Variants in YPEL2 observed in about 807,000 individuals in gnomAD.
YPEL2 encodes the protein yippee like 2, also known as protein yippee-like 2.
Under a neutral mutation model 19.1 loss-of-function variants are expected in YPEL2, and 2 were observed. The ratio of observed to expected loss-of-function variants is 0.10; its 90% CI spans 0.04 to 0.33. The LOEUF (loss-of-function observed/expected upper bound fraction) is 0.33, where lower values mean the gene tolerates loss of function less well. YPEL2 is among the 10% of genes least tolerant of loss of function. The pLI, the probability that YPEL2 is intolerant of heterozygous loss-of-function variation, is 1.00. For synonymous variants in YPEL2, 52 were observed against 50.0 expected, an observed-to-expected ratio of 1.04 and a Z score of -0.17; for missense variants, 66 against 140.7, an observed-to-expected ratio of 0.47 and a Z score of 2.68.
intron 4 of YPEL2, among the ~76,000 whole-genome samples, chr17:59,390,659 A>T (rs2048003197): frequency 6.6e-6 from 1 of 152,212 alleles, no homozygotes; most frequent in Non-Finnish European, 1.5e-5. Context: ...GGCCTGGGGA[A>T]AGTGAGCAGT....
chr17:59,381,149 T>G (rs1479239369), intron 2 of YPEL2, among the ~76,000 whole-genome samples: 2 of 152,244 alleles, frequency 1.3e-5, no homozygotes, highest in Non-Finnish European at 2.9e-5. Context: ...AGAGGTTAAC[T>G]GACTCTTCCA....
intron 2 of YPEL2, among the ~76,000 whole-genome samples, chr17:59,382,259 T>A (rs1598048748): frequency 6.6e-6 from 1 of 152,220 alleles, no homozygotes; most frequent in Admixed American, 6.5e-5. Flanking sequence ...TTCAGTACCC[T>A]TTGTACATGT....
chr17:59,363,603 G>T (rs377503571), intron 2 of YPEL2, among the ~76,000 whole-genome samples: 2 of 152,178 alleles, frequency 1.3e-5, no homozygotes, highest in Non-Finnish European at 2.9e-5. Flanking sequence ...ATGAGCCGCC[G>T]CACCCAGCTG....
At chr17:59,394,554 C>T (rs1462179048) in intron 4 of YPEL2, among the ~76,000 whole-genome samples, 1 of 151,798 alleles carries the variant, frequency 6.6e-6, no homozygotes, top group Non-Finnish European at 1.5e-5. Context: ...AGACGCTCCT[C>T]ACTTCCTAGA....
chr17:59,368,796 T>A (rs2047883075), intron 2 of YPEL2, among the ~76,000 whole-genome samples: 1 of 152,126 alleles, frequency 6.6e-6, no homozygotes. Context: ...TTTATTGAGA[T>A]TGGATGAGAA....
At position 59,397,562 on chromosome 17, in the gene YPEL2, G is replaced by A. The variant is rs10599; in HGVS notation, c.*372G>A. ...GGAGAGCAGTGGCACGGGGGCGTGA[G>A]GAAGAGGGAAAGGGGAAACTCTAAG... On this transcript the variant is annotated 3_prime_UTR_variant, in exon 5 of 5. Coordinates refer to ENST00000312655, the MANE Select transcript of YPEL2 (RefSeq NM_001005404.4). 0.34 allele frequency: 57,399 copies of A among 168,280 alleles called. 10,366 individuals are homozygous for A. Among genetic ancestry groups the A allele is most frequent in the Middle Eastern group, 0.44 (172 of 388 alleles). The allele number at this position is 168,280 out of a possible 1,614,324, so 10.4% of individuals were successfully genotyped here.
At chr17:59,349,711 A>T (rs2047778117) in intron 1 of YPEL2, among the ~76,000 whole-genome samples, 1 of 151,980 alleles carries the variant, frequency 6.6e-6, no homozygotes. Context: ...ACCAGACTGG[A>T]GTGCAGTGGC....
chr17:59,371,534 G>A (rs2047897536), intron 2 of YPEL2, among the ~76,000 whole-genome samples: 1 of 152,180 alleles, frequency 6.6e-6, no homozygotes, highest in African/African-American at 2.4e-5. Flanking sequence ...GAGAATGCAG[G>A]GGCTGCCTGA....
At chr17:59,351,453 A>G (rs909053345) in intron 1 of YPEL2, among the ~76,000 whole-genome samples, 1 of 152,228 alleles carries the variant, frequency 6.6e-6, no homozygotes, top group South Asian at 2.1e-4. Flanking sequence ...CACCCTTTCT[A>G]TCTGTAACAC....
chr17:59,349,224 TCA>T (rs2047773966), intron 1 of YPEL2, among the ~76,000 whole-genome samples: 1 of 149,268 alleles, frequency 6.7e-6, no homozygotes, highest in South Asian at 2.1e-4. Flanking sequence ...AAGAATTGAC[TCA>T]AAGAAGCTTT....
chr17:59,371,655 G>A (rs899510277), intron 2 of YPEL2, among the ~76,000 whole-genome samples: 3 of 152,138 alleles, frequency 2.0e-5, no homozygotes, highest in Non-Finnish European at 4.4e-5. Flanking sequence ...TAGCCCTGCC[G>A]CGAGACAGGA....
chr17:59,347,481 G>A (rs1447686437), intron 1 of YPEL2, among the ~76,000 whole-genome samples: 55 of 152,152 alleles, frequency 3.6e-4, no homozygotes, highest in Admixed American at 3.5e-3. Flanking sequence ...CTTTAAGAGT[G>A]ATGACGTGGT....
intron 2 of YPEL2, chr17:59,355,432 A>G (rs972894902): frequency 6.6e-6 from 1 of 152,184 alleles, no homozygotes; most frequent in African/African-American, 2.4e-5. Context: ...GCCTTTGACA[A>G]TTTGGCAGAG....
At chr17:59,344,204 C>G (rs2047745120) in intron 1 of YPEL2, among the ~76,000 whole-genome samples, 1 of 152,036 alleles carries the variant, frequency 6.6e-6, no homozygotes. Context: ...TGGAGACATC[C>G]TTTATAAAGG....
At chr17:59,365,308 A>G (rs935189738) in intron 2 of YPEL2, among the ~76,000 whole-genome samples, 2 of 152,154 alleles carry the variant, frequency 1.3e-5, no homozygotes, top group Non-Finnish European at 2.9e-5. Flanking sequence ...TCAGGAGGTG[A>G]TGAAATAGCA....
intron 4 of YPEL2, among the ~76,000 whole-genome samples, chr17:59,394,314 C>T (rs1357830984): frequency 1.4e-5 from 2 of 142,318 alleles, no homozygotes; most frequent in Admixed American, 7.0e-5. Flanking sequence ...CGGGCAGAGA[C>T]GGCTCCTCAC....
At chr17:59,350,834 T>C (rs1013888662) in intron 1 of YPEL2, among the ~76,000 whole-genome samples, 1 of 152,188 alleles carries the variant, frequency 6.6e-6, no homozygotes, top group Non-Finnish European at 1.5e-5. Flanking sequence ...ATCTGCTCTC[T>C]AAACTCAGCC....
At chr17:59,337,439 T>C (rs905564057) in intron 1 of YPEL2, among the ~76,000 whole-genome samples, 1 of 152,090 alleles carries the variant, frequency 6.6e-6, no homozygotes, top group Non-Finnish European at 1.5e-5. Context: ...TCCGCCCGCC[T>C]CGGCCTCCCA....
At chr17:59,359,204 G>A (rs1228841142) in intron 2 of YPEL2, among the ~76,000 whole-genome samples, 7 of 152,180 alleles carry the variant, frequency 4.6e-5, no homozygotes, top group South Asian at 2.1e-4. Flanking sequence ...GATTACAGGC[G>A]TGACCCACTG....
Sources: gnomAD v4.1 joint callset for allele counts (sites outside exome capture counted in the v4.1 genomes callset) on GRCh38, gnomAD v4.1.1 for gene constraint, MANE v1.5 for transcripts, NCBI Gene and HGNC (gene_info 2026-07-23, HGNC 2026-07-21) for gene names.